PCDHA5: variants seen among roughly 807,000 people sequenced by gnomAD.
PCDHA5 encodes the protein protocadherin alpha 5.
In PCDHA5, 43 loss-of-function variants were observed where a neutral mutation model predicts 61.6. That is an observed-to-expected ratio of 0.70 (90% confidence interval 0.55 to 0.90). The LOEUF (loss-of-function observed/expected upper bound fraction) is 0.90. Among genes scored for constraint, PCDHA5 ranks in the 40% least tolerant of loss-of-function variants. The pLI, the probability that PCDHA5 is intolerant of heterozygous loss-of-function variation, is 0.00. For missense variants in PCDHA5, 1,298 were observed against 1,222.7 expected (o/e 1.06, Z -0.92); for synonymous variants, 627 against 543.9 (o/e 1.15, Z -2.13).
chr5:141,008,999 G>A (rs1389698923), intron 3 of PCDHA5, among the ~76,000 whole-genome samples: 1 of 152,200 alleles, frequency 6.6e-6, no homozygotes, highest in African/African-American at 2.4e-5. Context: ...ACTAAAAGGA[G>A]CATATTTTGC....
At chr5:140,863,313 G>C (rs782656693) in intron 1 of PCDHA5, 5 of 1,460,034 alleles carry the variant, frequency 3.4e-6, no homozygotes, top group Non-Finnish European at 4.6e-6. Flanking sequence ...TCTGCGTGGT[G>C]TCCAGCCTGT....
chr5:140,968,301 A>G (rs886575781), intron 1 of PCDHA5: 9 of 1,613,914 alleles, frequency 5.6e-6, no homozygotes, highest in Non-Finnish European at 7.6e-6. Flanking sequence ...CTGGAGAGGG[A>G]GATTCAAGGG....
chr5:140,849,583 C>T (rs2040974619), intron 1 of PCDHA5: 4 of 1,598,684 alleles, frequency 2.5e-6, no homozygotes, highest in Non-Finnish European at 3.4e-6. Flanking sequence ...AAAGAGGACG[C>T]ACAACTGGGG....
intron 1 of PCDHA5, among the ~76,000 whole-genome samples, chr5:140,831,516 C>T (rs572603415): frequency 1.5e-5 from 2 of 130,466 alleles, no homozygotes; most frequent in African/African-American, 3.2e-5. Context: ...ACCATGCCCC[C>T]CACCTTTTTT....
At chr5:140,857,184 G>C in intron 1 of PCDHA5, 1 of 1,598,552 alleles carries the variant, frequency 6.3e-7, no homozygotes. Flanking sequence ...CATGATTCAG[G>C]AGCCAACGGA....
At chr5:140,896,087 A>T (rs2065366348) in intron 1 of PCDHA5, among the ~76,000 whole-genome samples, 1 of 152,218 alleles carries the variant, frequency 6.6e-6, no homozygotes, top group East Asian at 1.9e-4. Flanking sequence ...CTGGGATTAC[A>T]GGCGTGAGCC....
In PCDHA5 at chr5:140,891,714, A is replaced by T. The variant is rs147881763; in HGVS notation, c.2352+67587A>T. On this transcript the variant is annotated intron_variant, in intron 1 of 3. Transcript: ENST00000529859. ...GCTGTTGTCTGAATTTGTACCCCCA[A>T]ATTCATGTGTTGAAAATTCAATCCC... Among the ~76,000 whole-genome samples the T allele has an allele frequency of 2.6e-5, 4 of 152,262 alleles. No individual in the cohort carries two copies. In the East Asian group the frequency reaches 5.8e-4, roughly 22 times the overall value.
chr5:140,938,092 A>G (rs1255638035), intron 1 of PCDHA5, among the ~76,000 whole-genome samples: 4 of 152,034 alleles, frequency 2.6e-5, no homozygotes, highest in African/African-American at 9.7e-5. Context: ...TAGTTTTATT[A>G]TTGTATTTTT....
intron 1 of PCDHA5, chr5:140,928,602 GC>G: frequency 1.2e-6 from 2 of 1,614,176 alleles, no homozygotes; most frequent in Non-Finnish European, 1.7e-6. Flanking sequence ...TGGAAATTGT[GC>G]CCCGCTCTGC....
chr5:140,994,190 C>G (rs1377695035), intron 3 of PCDHA5, among the ~76,000 whole-genome samples: 1 of 152,136 alleles, frequency 6.6e-6, no homozygotes, highest in Non-Finnish European at 1.5e-5. Context: ...ACCACCAGGG[C>G]CTGTTGGTCC....
At chr5:140,922,858 G>C (rs1363202579) in intron 1 of PCDHA5, among the ~76,000 whole-genome samples, 1 of 152,124 alleles carries the variant, frequency 6.6e-6, no homozygotes, top group Non-Finnish European at 1.5e-5. Flanking sequence ...CAAATACATA[G>C]ACAAGGGGAA....
At chr5:140,958,923 T>C (rs535689053) in intron 1 of PCDHA5, among the ~76,000 whole-genome samples, 1 of 148,814 alleles carries the variant, frequency 6.7e-6, no homozygotes, top group South Asian at 2.1e-4. Flanking sequence ...CTGGGTGTGG[T>C]GGCTCATACT....
At chr5:140,951,440 A>G (rs1296002857) in intron 1 of PCDHA5, among the ~76,000 whole-genome samples, 2 of 152,004 alleles carry the variant, frequency 1.3e-5, no homozygotes, top group Non-Finnish European at 2.9e-5. Flanking sequence ...TGTAGGAAGC[A>G]TGATGCCGGC....
At chr5:140,828,813 C>T in intron 1 of PCDHA5, 1 of 1,614,220 alleles carries the variant, frequency 6.2e-7, no homozygotes. Flanking sequence ...AATGCTCCCA[C>T]TTTCGAACAG....
chr5:140,972,919 C>T (rs1231455019), intron 1 of PCDHA5, among the ~76,000 whole-genome samples: 1 of 152,078 alleles, frequency 6.6e-6, no homozygotes, highest in African/African-American at 2.4e-5. Flanking sequence ...GCCTTGGCCT[C>T]CCAAAGTGCT....
chr5:140,854,720 C>G (rs2043201249), intron 1 of PCDHA5: 1 of 149,654 alleles, frequency 6.7e-6, no homozygotes, highest in African/African-American at 2.4e-5. Flanking sequence ...AGACAGAAAA[C>G]TCAAGTTTTT....
chr5:140,842,740 C>T, intron 1 of PCDHA5: 2 of 1,595,054 alleles, frequency 1.3e-6, no homozygotes, highest in Non-Finnish European at 1.7e-6. Context: ...CGGGCTGCCA[C>T]ATCTTCACGG....
Position 140,856,434 on chromosome 5 carries a change from C to T in PCDHA5, c.2352+32307C>T, listed in dbSNP as rs551569829. 39 of 1,598,320 alleles carry T rather than the reference C, an allele frequency of 2.4e-5. 3 individuals carry two copies. The South Asian group carries it at 3.9e-4, about 16-fold the overall frequency. On this transcript the variant is annotated intron_variant, in intron 1 of 3. Coordinates refer to ENST00000529859, the MANE Select transcript of PCDHA5 (RefSeq NM_018908.3). Reference sequence around the variant, plus strand: ...GAAGTGAAGGACATTAACGACAACCCGCCCAGGTTCTCCGTAACAGAACAA... The same window carrying T: ...GAAGTGAAGGACATTAACGACAACCTGCCCAGGTTCTCCGTAACAGAACAA...
intron 1 of PCDHA5, among the ~76,000 whole-genome samples, chr5:140,888,291 A>G (rs539984108): frequency 9.2e-5 from 14 of 152,122 alleles, no homozygotes; most frequent in Admixed American, 5.2e-4. Flanking sequence ...TCTACCCCCT[A>G]CCCAGGAGAT....
Sources: allele counts gnomAD v4.1 joint callset (sites outside exome capture counted in the v4.1 genomes callset), GRCh38; gene constraint gnomAD v4.1.1; transcripts MANE v1.5; gene names NCBI Gene and HGNC (gene_info 2026-07-23, HGNC 2026-07-21).